Variants in CDH19 observed in about 807,000 individuals in gnomAD.
CDH19 encodes the protein cadherin 19.
In CDH19, 67 loss-of-function variants were observed where a neutral mutation model predicts 64.2. The ratio of observed to expected loss-of-function variants is 1.04; its 90% CI spans 0.86 to 1.28. The LOEUF (loss-of-function observed/expected upper bound fraction) is 1.28, where lower values mean the gene tolerates loss of function less well. Ranked by LOEUF, CDH19 falls within the 50% of genes most tolerant of loss-of-function variation. CDH19 has a pLI of 0.00. For missense variants in CDH19, 1,030 were observed against 929.0 expected (o/e 1.11, Z -1.41); for synonymous variants, 346 against 319.3 (o/e 1.08, Z -0.89).
chr18:66,570,743 C>T (rs1036925261), intron 2 of CDH19, among the ~76,000 whole-genome samples: 13 of 151,578 alleles, frequency 8.6e-5, no homozygotes, highest in African/African-American at 3.1e-4. Flanking sequence ...TAGGCAAAAC[C>T]AATCACTGTG....
intron 5 of CDH19, among the ~76,000 whole-genome samples, chr18:66,547,998 T>C (rs1238995847): frequency 1.4e-5 from 2 of 147,844 alleles, no homozygotes. Flanking sequence ...ATATGTGTAT[T>C]ATATATGTAA....
intron 1 of CDH19, among the ~76,000 whole-genome samples, chr18:66,586,867 T>C (rs1767579218): frequency 6.6e-6 from 1 of 152,134 alleles, no homozygotes; most frequent in African/African-American, 2.4e-5. Flanking sequence ...TTGGAATGCG[T>C]ATTACCTATT....
intron 5 of CDH19, among the ~76,000 whole-genome samples, chr18:66,547,910 G>A (rs1212771163): frequency 3.4e-5 from 5 of 146,992 alleles, no homozygotes; most frequent in South Asian, 2.1e-4. Context: ...CTCGTGATCC[G>A]CCCGCCTCGG....
chr18:66,543,703 T>C (rs1986984291), intron 7 of CDH19, among the ~76,000 whole-genome samples: 1 of 152,078 alleles, frequency 6.6e-6, no homozygotes, highest in South Asian at 2.1e-4. Context: ...GACAATGTGA[T>C]GAAACCCCGT....
chr18:66,598,994 C>A (rs1258303906), intron 1 of CDH19, among the ~76,000 whole-genome samples: 2 of 151,896 alleles, frequency 1.3e-5, no homozygotes, highest in Non-Finnish European at 2.9e-5. Flanking sequence ...ATTTTAGTTT[C>A]AAATTGTATA....
chr18:66,511,351 G>C lies in CDH19; in HGVS notation c.1576+217C>G, dbSNP rs1421513188. Among the ~76,000 whole-genome samples the C allele has an allele frequency of 7.3e-5, 11 of 150,742 alleles. No homozygotes were observed. In the Admixed American group the frequency reaches 7.3e-4, roughly 10 times the overall value. On this transcript the variant is annotated intron_variant, in intron 10 of 11. Transcript: ENST00000262150. ...TTACAGCCATTGATAACTTTAAAAA[G>C]TGTTTCTACTTTGAAGAAATGCGGT...
intron 3 of CDH19, among the ~76,000 whole-genome samples, chr18:66,556,351 T>C (rs527628940): frequency 1.3e-5 from 2 of 151,866 alleles, no homozygotes; most frequent in East Asian, 3.9e-4. Flanking sequence ...AGTCCTCATG[T>C]TGTACATTAG....
chr18:66,544,357 C>A, intron 6 of CDH19, 133 bp from the exon 7 acceptor site: 1 of 726,286 alleles, frequency 1.4e-6, no homozygotes, highest in Admixed American at 3.2e-5. Context: ...GTACATGGAT[C>A]TCTCTGATAT....
At chr18:66,596,733 A>G (rs1988898253) in intron 1 of CDH19, among the ~76,000 whole-genome samples, 1 of 152,140 alleles carries the variant, frequency 6.6e-6, no homozygotes, top group Non-Finnish European at 1.5e-5. Context: ...CAAGGAATTT[A>G]CAGTTTCAAT....
chr18:66,576,481 A>G (rs1211926088), intron 1 of CDH19, among the ~76,000 whole-genome samples: 1 of 151,626 alleles, frequency 6.6e-6, no homozygotes, highest in African/African-American at 2.4e-5. Context: ...TAAGTGATAA[A>G]CATATCATTT....
At chr18:66,552,362 T>C (rs1291336465) in intron 4 of CDH19, among the ~76,000 whole-genome samples, 2 of 152,084 alleles carry the variant, frequency 1.3e-5, no homozygotes, top group Admixed American at 6.6e-5. Flanking sequence ...TTTTGATTTA[T>C]TGGACTAAAT....
chr18:66,575,804 AAGAC>A (rs1183825890), intron 1 of CDH19, among the ~76,000 whole-genome samples: 1 of 151,850 alleles, frequency 6.6e-6, no homozygotes, highest in Non-Finnish European at 1.5e-5. Context: ...AGTAAATAGA[AAGAC>A]CTTCTTTAAA....
chr18:66,543,758 C>T (rs940524710), intron 7 of CDH19, among the ~76,000 whole-genome samples: 7 of 151,924 alleles, frequency 4.6e-5, no homozygotes, highest in Non-Finnish European at 2.9e-5. Flanking sequence ...TGGCGCATGC[C>T]TATAGTCCCA....
chr18:66,583,706 T>C (rs959699127), intron 1 of CDH19, among the ~76,000 whole-genome samples: 5 of 151,988 alleles, frequency 3.3e-5, no homozygotes, highest in Admixed American at 1.3e-4. Context: ...GAAGTAAGAC[T>C]GCACACCTAC....
intron 7 of CDH19, among the ~76,000 whole-genome samples, chr18:66,535,652 T>G (rs1986634586): frequency 6.8e-6 from 1 of 146,948 alleles, no homozygotes; most frequent in Non-Finnish European, 1.5e-5. Context: ...TATAATACAT[T>G]ATATATGATA....
At chr18:66,521,915 T>TTTGTTG (rs1332615034) in intron 9 of CDH19, among the ~76,000 whole-genome samples, 2 of 42,478 alleles carry the variant, frequency 4.7e-5, no homozygotes, top group South Asian at 3.2e-3. Context: ...AGTTACTTGT[T>TTTGTTG]CTGTTGTTGT....
At position 66,568,623 on chromosome 18, in the gene CDH19, T is replaced by C. The variant is rs763376583; in HGVS notation, c.283A>G (p.Arg95Gly). 1.2e-6 allele frequency: 2 copies of C among 1,611,790 alleles called. No homozygotes were observed. The highest frequency in any genetic ancestry group is 2.7e-5 in the African/African-American group (2 of 74,756). ...GAGSTFIIDE[R>G]TGDIYAIQKL... is the part of the protein sequence containing the mutation. Reference sequence around the variant, plus strand: ...TGTATGGCATATATGTCACCTGTTCTTTCATCAATGATAAAAGTACTTCCA... The same window carrying C: ...TGTATGGCATATATGTCACCTGTTCCTTCATCAATGATAAAAGTACTTCCA... The change falls in exon 3 of 12, where the codon AGA becomes GGA. Residue 95 changes from arginine to glycine, a missense_variant. Arg to Gly is a moderately radical substitution (Grantham distance 125, BLOSUM62 -2). Coordinates refer to ENST00000262150, the MANE Select transcript of CDH19 (RefSeq NM_021153.4).
intron 1 of CDH19, among the ~76,000 whole-genome samples, chr18:66,582,162 T>C (rs1269056244): frequency 6.6e-6 from 1 of 152,136 alleles, no homozygotes; most frequent in Non-Finnish European, 1.5e-5. Flanking sequence ...ATTCTTCAAA[T>C]GACAAAATAT....
At chr18:66,554,578 T>C in intron 3 of CDH19, 54 bp from the exon 4 acceptor site, 1 of 1,521,894 alleles carries the variant, frequency 6.6e-7, no homozygotes, top group African/African-American at 1.4e-5. Context: ...CAGGATGAAT[T>C]CAGTTCTGTG....
Sources: allele counts gnomAD v4.1 joint callset (sites outside exome capture counted in the v4.1 genomes callset), GRCh38; gene constraint gnomAD v4.1.1; transcripts MANE v1.5; gene names NCBI Gene and HGNC (gene_info 2026-07-23, HGNC 2026-07-21).